PDE8A: variants seen among roughly 807,000 people sequenced by gnomAD.
PDE8A encodes the protein high affinity cAMP-specific and IBMX-insensitive 3',5'-cyclic phosphodiesterase 8A.
PDE8A carries 59 observed loss-of-function variants against 105.0 expected under a neutral mutation model. The ratio of observed to expected loss-of-function variants is 0.56; its 90% CI spans 0.46 to 0.70. The LOEUF (loss-of-function observed/expected upper bound fraction) is 0.70, where lower values mean the gene tolerates loss of function less well. Among genes scored for constraint, PDE8A ranks in the 30% least tolerant of loss-of-function variants. The pLI is 0.00. For missense variants in PDE8A, 1,014 were observed against 1,045.9 expected (o/e 0.97, Z 0.42); for synonymous variants, 355 against 371.9 (o/e 0.95, Z 0.52).
chr15:84,983,504 A>G (rs150504013), intron 1 of PDE8A, among the ~76,000 whole-genome samples: 135 of 152,348 alleles, frequency 8.9e-4, no homozygotes, highest in African/African-American at 3.1e-3. Flanking sequence ...TCAGTGTTGC[A>G]TAACAGTTGA....
chr15:85,030,314 A>G (rs1351983866), intron 1 of PDE8A, among the ~76,000 whole-genome samples: 1 of 151,806 alleles, frequency 6.6e-6, no homozygotes, highest in Admixed American at 6.6e-5. Context: ...CGTAGCCTCC[A>G]TTGAATCTGG....
At position 84,982,250 on chromosome 15, in the gene PDE8A, G is replaced by A. The variant is rs765047902; in HGVS notation, c.88G>A (p.Gly30Arg). 29 of 1,458,646 alleles carry A rather than the reference G, an allele frequency of 2.0e-5. No homozygotes were observed. In the South Asian group the frequency reaches 2.5e-4, roughly 13 times the overall value. The allele number at this position is 1,458,646 out of a possible 1,614,324, so 90.4% of individuals were successfully genotyped here. A position where few individuals can be genotyped will look rare whatever the true frequency, so the allele number is the denominator to read the frequency against. The change falls in exon 1 of 22, where the codon GGG (glycine) becomes AGG (arginine). Residue 30 changes from glycine to arginine, a missense_variant. Physicochemically the swap from Gly to Arg is moderately radical, Grantham distance 125 (BLOSUM62 -2). Coordinates refer to ENST00000394553, the MANE Select transcript of PDE8A (RefSeq NM_002605.3). ...CGCGGCACCGCCGCTGTCGTCCGGCGGGCCGCGCCTCCCGCAGGGCCAGAA... is the reference window on the plus strand; with the variant it reads ...CGCGGCACCGCCGCTGTCGTCCGGCAGGCCGCGCCTCCCGCAGGGCCAGAA... ...SPAAPPLSSG[G>R]PRLPQGQKTA...
At chr15:85,007,860 G>A (rs1024949408) in intron 1 of PDE8A, among the ~76,000 whole-genome samples, 2 of 152,058 alleles carry the variant, frequency 1.3e-5, no homozygotes, top group African/African-American at 2.4e-5. Flanking sequence ...GAGAGCTCTT[G>A]GACATTCTGC....
At chr15:85,110,352 A>G (rs2082003422) in intron 12 of PDE8A, among the ~76,000 whole-genome samples, 1 of 152,202 alleles carries the variant, frequency 6.6e-6, no homozygotes, top group African/African-American at 2.4e-5. Flanking sequence ...GTTATAATTT[A>G]TATACAATGA....
At chr15:85,110,086 A>G (rs772222007) in intron 12 of PDE8A, among the ~76,000 whole-genome samples, 59 of 152,188 alleles carry the variant, frequency 3.9e-4, no homozygotes, top group Non-Finnish European at 5.4e-4. Context: ...TGAGGATTCA[A>G]TGAGTGTGTA....
chr15:85,000,516 T>C (rs2080050088), intron 1 of PDE8A, among the ~76,000 whole-genome samples: 1 of 152,230 alleles, frequency 6.6e-6, no homozygotes, highest in Non-Finnish European at 1.5e-5. Context: ...TTGCTTACTG[T>C]GCTCAGTTTC....
At chr15:85,076,709 G>T (rs759658756) in intron 4 of PDE8A, 24 bp from the exon 5 acceptor site, 3 of 1,484,726 alleles carry the variant, frequency 2.0e-6, no homozygotes, top group South Asian at 1.1e-5. Context: ...CTATGTCTAT[G>T]TTCTTTACTG....
At chr15:85,014,641 A>G (rs962371497) in intron 1 of PDE8A, among the ~76,000 whole-genome samples, 1 of 152,124 alleles carries the variant, frequency 6.6e-6, no homozygotes, top group Non-Finnish European at 1.5e-5. Context: ...ATTGATGTTC[A>G]TATATTTATA....
At chr15:85,004,107 A>G (rs1261479328) in intron 1 of PDE8A, among the ~76,000 whole-genome samples, 1 of 152,212 alleles carries the variant, frequency 6.6e-6, no homozygotes, top group Non-Finnish European at 1.5e-5. Context: ...CCCAATAAGA[A>G]GAGGAACTGA....
chr15:85,001,336 C>T (rs1192235958), intron 1 of PDE8A, among the ~76,000 whole-genome samples: 1 of 152,088 alleles, frequency 6.6e-6, no homozygotes, highest in East Asian at 1.9e-4. Flanking sequence ...GGAAAAAATG[C>T]CCCCTTTTTT....
chr15:85,113,307 G>A (rs2082045852), intron 12 of PDE8A, 70 bp from the exon 13 acceptor site: 2 of 1,254,924 alleles, frequency 1.6e-6, no homozygotes, highest in East Asian at 2.3e-5. Flanking sequence ...CGAGCACACT[G>A]AGCCCTCTGC....
chr15:85,076,860 G>A (rs1734543360), intron 5 of PDE8A, 73 bp downstream of exon 5: 22 of 992,778 alleles, frequency 2.2e-5, no homozygotes, highest in South Asian at 1.4e-4. Context: ...TCAGTACCCA[G>A]CAAAAGCTTT....
intron 11 of PDE8A, among the ~76,000 whole-genome samples, chr15:85,101,790 A>G (rs2081866390): frequency 6.6e-6 from 1 of 152,206 alleles, no homozygotes; most frequent in Admixed American, 6.5e-5. Context: ...GACTAGAGAG[A>G]GAAAAGCAAG....
intron 4 of PDE8A, among the ~76,000 whole-genome samples, chr15:85,076,290 T>C (rs2081379897): frequency 6.6e-6 from 1 of 152,130 alleles, no homozygotes. Flanking sequence ...AAGAGAAATA[T>C]ATTAGGAGAA....
intron 2 of PDE8A, 41 bp downstream of exon 2, chr15:85,064,467 CTT>C (rs777700036): frequency 1.5e-6 from 2 of 1,368,624 alleles, no homozygotes; most frequent in African/African-American, 2.9e-5. Context: ...TGCTGATTTT[CTT>C]TAAAAAGGGT....
At chr15:85,115,519 C>T (rs1038903384) in intron 15 of PDE8A, 32 bp downstream of exon 15, 1 of 1,164,350 alleles carries the variant, frequency 8.6e-7, no homozygotes, top group Non-Finnish European at 1.2e-6. Context: ...TCTTAGATCA[C>T]TGTCTATAAT....
intron 21 of PDE8A, 81 bp downstream of exon 21, chr15:85,136,744 G>A (rs1442897161): frequency 7.3e-6 from 10 of 1,370,452 alleles, no homozygotes; most frequent in Non-Finnish European, 9.0e-6. Flanking sequence ...GCATTTGACT[G>A]TAGAATATGA....
chr15:84,995,731 C>T (rs918824154), intron 1 of PDE8A, among the ~76,000 whole-genome samples: 10 of 152,102 alleles, frequency 6.6e-5, no homozygotes, highest in Admixed American at 3.9e-4. Context: ...TAAAAGCTCA[C>T]GATAAATATT....
At chr15:85,070,648 G>A (rs2141468819) in intron 3 of PDE8A, among the ~76,000 whole-genome samples, 1 of 152,296 alleles carries the variant, frequency 6.6e-6, no homozygotes, top group Non-Finnish European at 1.5e-5. Flanking sequence ...GGGCACCTCT[G>A]CTCAGTGCTA....
Sources: allele counts gnomAD v4.1 joint callset (sites outside exome capture counted in the v4.1 genomes callset), GRCh38; gene constraint gnomAD v4.1.1; transcripts MANE v1.5; gene names NCBI Gene and HGNC (gene_info 2026-07-23, HGNC 2026-07-21).